NRXN1: variants seen among roughly 807,000 people sequenced by gnomAD.
NRXN1 encodes neurexin-1.
Under a neutral mutation model 150.9 loss-of-function variants are expected in NRXN1, and 39 were observed. The observed-to-expected ratio is 0.26, with a 90% CI of 0.20 to 0.34. The LOEUF is 0.34. NRXN1 is among the 10% of genes least tolerant of loss of function. NRXN1 has a pLI of 1.00. For synonymous variants in NRXN1, 924 were observed against 757.0 expected (o/e 1.22, Z -3.62); for missense variants, 1,815 against 1,949.9 (o/e 0.93, Z 1.30).
At chr2:50,558,019 A>C (rs1453045827) in intron 8 of NRXN1, among the ~76,000 whole-genome samples, 1 of 152,146 alleles carries the variant, frequency 6.6e-6, no homozygotes, top group African/African-American at 2.4e-5. Flanking sequence ...TTCACCCATG[A>C]AAGGGTTTCT....
chr2:50,504,009 C>A (rs1353386836), intron 13 of NRXN1, among the ~76,000 whole-genome samples: 1 of 151,848 alleles, frequency 6.6e-6, no homozygotes, highest in Non-Finnish European at 1.5e-5. Flanking sequence ...ATCAGATAAG[C>A]ACAAACTGGT....
chr2:50,123,915 T>A (rs1704211792), intron 18 of NRXN1, among the ~76,000 whole-genome samples: 2 of 151,988 alleles, frequency 1.3e-5, no homozygotes, highest in Non-Finnish European at 2.9e-5. Flanking sequence ...TAAAATCAGG[T>A]AATAAAAAGG....
At position 50,333,137 on chromosome 2, in the gene NRXN1, T is replaced by G. The variant is rs149176681; in HGVS notation, c.3365-96167A>C. Among the ~76,000 whole-genome samples the G allele has an allele frequency of 4.2e-3, 644 of 152,278 alleles. 3 individuals carry two copies. The highest frequency in any genetic ancestry group is 0.015 in the African/African-American group (623 of 41,556). On this transcript the variant is annotated intron_variant, in intron 17 of 22. Coordinates refer to ENST00000401669, the MANE Select transcript of NRXN1 (RefSeq NM_001330078.2). ...AGAATCATTGATCTCCTTGATCTACTCATCTCTTTGATCTTTTGAGGATAG... is the reference window on the plus strand; with the variant it reads ...AGAATCATTGATCTCCTTGATCTACGCATCTCTTTGATCTTTTGAGGATAG...
intron 5 of NRXN1, among the ~76,000 whole-genome samples, chr2:50,657,235 A>G (rs1341538007): frequency 6.6e-6 from 1 of 151,950 alleles, no homozygotes; most frequent in Admixed American, 6.6e-5. Context: ...TAAGCCAGAC[A>G]GTTCCCTGGA....
intron 5 of NRXN1, among the ~76,000 whole-genome samples, chr2:50,891,653 C>G (rs1239302461): frequency 3.3e-5 from 5 of 151,996 alleles, no homozygotes; most frequent in Admixed American, 2.6e-4. Flanking sequence ...AGAGAAACAT[C>G]CTTTCTTGTT....
At chr2:50,057,050 C>T (rs1693762307) in intron 19 of NRXN1, among the ~76,000 whole-genome samples, 1 of 152,156 alleles carries the variant, frequency 6.6e-6, no homozygotes, top group Non-Finnish European at 1.5e-5. Context: ...CTCTCTACAT[C>T]TTCTCTGTGA....
chr2:50,525,602 A>C lies in NRXN1; in HGVS notation c.2374+3023T>G, dbSNP rs555595411. ...GCAATGGTATAAGCTAATGAGCATC[A>C]ATAAACTGAGACTCGTCTGGGATTG... On this transcript the variant is annotated intron_variant, in intron 12 of 22. Coordinates refer to ENST00000401669, the MANE Select transcript of NRXN1 (RefSeq NM_001330078.2). 2.0e-5 allele frequency among the ~76,000 whole-genome samples: 3 copies of C among 152,342 alleles called. No individual in the cohort carries two copies. In the East Asian group the frequency reaches 5.8e-4, roughly 29 times the overall value.
chr2:50,919,958 A>T (rs1685757686), intron 5 of NRXN1: 1 of 357,930 alleles, frequency 2.8e-6, no homozygotes, highest in South Asian at 2.2e-5. Flanking sequence ...ATGCCATGTC[A>T]TAGTCATGAT....
intron 17 of NRXN1, among the ~76,000 whole-genome samples, chr2:50,391,213 GA>G (rs11409159): frequency 6.7e-6 from 1 of 150,348 alleles, no homozygotes; most frequent in South Asian, 2.1e-4. Context: ...TTTGCAGAAA[GA>G]AAAAAAAGCA....
chr2:50,615,451 G>A (rs1425273460), intron 8 of NRXN1: 1 of 152,062 alleles, frequency 6.6e-6, no homozygotes, highest in Non-Finnish European at 1.5e-5. Flanking sequence ...CTCTGCAGGA[G>A]GGAAATAAGC....
intron 5 of NRXN1, among the ~76,000 whole-genome samples, chr2:50,845,569 TG>T (rs1286673644): frequency 6.6e-6 from 1 of 152,224 alleles, no homozygotes; most frequent in African/African-American, 2.4e-5. Context: ...GTTAACTCTC[TG>T]TTTTTCCCTC....
Position 50,981,278 on chromosome 2 carries a change from GA to G in NRXN1, c.772+46223del, listed in dbSNP as rs563582609. 5.0e-3 allele frequency among the ~76,000 whole-genome samples: 761 copies of G among 151,616 alleles called. 5 individuals are homozygous for G. Among genetic ancestry groups the G allele is most frequent in the African/African-American group, 0.018 (745 of 41,356 alleles). On this transcript the variant is annotated intron_variant, in intron 2 of 22. Transcript: ENST00000401669. ...TTGAGACCAGCCTGGCCAACATGGT[GA>G]AACCCCTTCTCTACAAAAAATAACA...
At chr2:50,360,738 G>A (rs941725069) in intron 17 of NRXN1, among the ~76,000 whole-genome samples, 4 of 152,140 alleles carry the variant, frequency 2.6e-5, no homozygotes, top group Non-Finnish European at 5.9e-5. Context: ...TTCAGGACTT[G>A]AACTCAGCTC....
intron 18 of NRXN1, among the ~76,000 whole-genome samples, chr2:50,204,974 T>C (rs996244439): frequency 2.0e-5 from 3 of 152,162 alleles, no homozygotes; most frequent in Admixed American, 1.3e-4. Context: ...AAGTTTAACA[T>C]GAATCATTCC....
intron 5 of NRXN1, among the ~76,000 whole-genome samples, chr2:50,690,274 C>A (rs994968808): frequency 2.0e-5 from 3 of 152,078 alleles, no homozygotes; most frequent in Non-Finnish European, 2.9e-5. Context: ...ATGTACATAA[C>A]CTGAAATGCA....
intron 5 of NRXN1, among the ~76,000 whole-genome samples, chr2:50,778,498 T>C (rs1038545105): frequency 6.6e-6 from 1 of 152,196 alleles, no homozygotes; most frequent in African/African-American, 2.4e-5. Flanking sequence ...TTAATTCTAA[T>C]TCCAGGTAGA....
chr2:50,475,562 C>T (rs2089920424), intron 15 of NRXN1, among the ~76,000 whole-genome samples: 1 of 152,002 alleles, frequency 6.6e-6, no homozygotes, highest in Non-Finnish European at 1.5e-5. Flanking sequence ...AGTAATCTTT[C>T]CCTTGAGTTA....
At chr2:50,342,055 A>T (rs1034889606) in intron 17 of NRXN1, among the ~76,000 whole-genome samples, 1 of 152,124 alleles carries the variant, frequency 6.6e-6, no homozygotes, top group Non-Finnish European at 1.5e-5. Flanking sequence ...GCCTCCTCCA[A>T]CCTCAACTCT....
intron 5 of NRXN1, among the ~76,000 whole-genome samples, chr2:50,878,793 C>T (rs985665874): frequency 2.6e-5 from 4 of 151,944 alleles, no homozygotes; most frequent in African/African-American, 9.7e-5. Flanking sequence ...TTCAGAATCA[C>T]CTCTGCCTGG....
Sources: allele counts gnomAD v4.1 joint callset (sites outside exome capture counted in the v4.1 genomes callset), GRCh38; gene constraint gnomAD v4.1.1; transcripts MANE v1.5; gene names NCBI Gene and HGNC (gene_info 2026-07-23, HGNC 2026-07-21).